The following VIRMA variants were observed in gnomAD, a reference collection of about 807,000 sequenced individuals.
VIRMA encodes the protein vir like m6A methyltransferase associated.
VIRMA carries 65 observed loss-of-function variants against 182.4 expected under a neutral mutation model. The ratio of observed to expected loss-of-function variants is 0.36; its 90% confidence interval spans 0.29 to 0.44. The LOEUF (loss-of-function observed/expected upper bound fraction) is 0.44, where lower values mean the gene tolerates loss of function less well. VIRMA is among the 20% of genes least tolerant of loss of function. VIRMA has a pLI of 1.00. For missense variants in VIRMA, 1,752 were observed against 2,158.1 expected, an observed-to-expected ratio of 0.81 and a Z score of 3.73; for synonymous variants, 709 against 743.1, an observed-to-expected ratio of 0.95 and a Z score of 0.75.
rs1813644934 is a variant in VIRMA, at chr8:94,492,720, T to C, written c.4740A>G (p.Pro1580=). 6.2e-7 allele frequency: 1 copy of C among 1,613,998 alleles called. No individual in the cohort carries two copies. Among genetic ancestry groups the C allele is most frequent in the Admixed American group, 1.7e-5 (1 of 60,020 alleles). ...ATCCTTTAGTAGTCTTGGTTCTTCC[T>C]GGAGATGATGGTTCTGACAAAAATG... ...ERSFLSEPSS[P]GRTKTTKGFK... The change falls in exon 21 of 24, where the codon CCA becomes CCG. Residue 1580 remains proline, a synonymous_variant. Coordinates refer to ENST00000297591, the MANE Select transcript of VIRMA (RefSeq NM_015496.5).
intron 15 of VIRMA, among the ~76,000 whole-genome samples, chr8:94,507,150 T>C (rs1396567767): frequency 1.3e-5 from 2 of 151,452 alleles, no homozygotes; most frequent in Admixed American, 1.3e-4. Context: ...TTTTTTTTTT[T>C]TTGAGACGGA....
At chr8:94,531,291 G>C (rs1815164593) in intron 5 of VIRMA, among the ~76,000 whole-genome samples, 1 of 152,132 alleles carries the variant, frequency 6.6e-6, no homozygotes, top group Non-Finnish European at 1.5e-5. Context: ...CCAACGTCAG[G>C]ACTTGAGTAT....
At chr8:94,543,509 T>C (rs1172815276) in intron 2 of VIRMA, among the ~76,000 whole-genome samples, 1 of 151,264 alleles carries the variant, frequency 6.6e-6, no homozygotes, top group East Asian at 1.9e-4. Context: ...AAAAATCAGG[T>C]TAAAAATACT....
chr8:94,528,518 G>A (rs1277197535), intron 7 of VIRMA, among the ~76,000 whole-genome samples: 3 of 152,168 alleles, frequency 2.0e-5, no homozygotes, highest in African/African-American at 7.2e-5. Context: ...CAAATTAAGA[G>A]CCAATTAGCT....
At chr8:94,496,699 T>C (rs1213569945) in intron 17 of VIRMA, 3 of 407,690 alleles carry the variant, frequency 7.4e-6, no homozygotes, top group Non-Finnish European at 1.3e-5. Context: ...AACATATATT[T>C]TACTGGCACC....
Position 94,509,596 on chromosome 8 carries a change from CA to C in VIRMA, c.3879+91del, listed in dbSNP as rs1371653262. The C allele has an allele frequency of 2.2e-6, 3 of 1,361,994 alleles. No homozygotes were observed. In the African/African-American group the frequency reaches 4.4e-5, roughly 20 times the overall value. The allele number at this position is 1,361,994 out of a possible 1,614,324, so 84.4% of individuals were successfully genotyped here. A position where few individuals can be genotyped will look rare whatever the true frequency, so the allele number is the denominator to read the frequency against. ...AACATAGATGACAGCTGTTCATTCA[CA>C]GCCAAAATTTACATCAAGATGCTTA... is the stretch of plus-strand genomic sequence containing the variant. On this transcript the variant is annotated intron_variant, in intron 15 of 23. Coordinates refer to ENST00000297591, the MANE Select transcript of VIRMA (RefSeq NM_015496.5).
intron 1 of VIRMA, among the ~76,000 whole-genome samples, chr8:94,544,437 C>T (rs879712813): frequency 1.3e-4 from 20 of 151,854 alleles, no homozygotes; most frequent in Non-Finnish European, 2.6e-4. Flanking sequence ...CTTTGGGAGG[C>T]CCAGGCAGGT....
In VIRMA at chr8:94,519,030, T is replaced by C; in HGVS notation, c.2468A>G (p.Gln823Arg). ...GTACTCCATTAGAGTAATAAGACTT[T>C]GGAGATTTTTCTCCAGACTAAAAAC... ...GHVFSLEKNL[Q>R]SLITLMEYYS... The change falls in exon 9 of 24, where the codon CAA (glutamine) becomes CGA (arginine). Residue 823 changes from glutamine to arginine, a missense_variant. Physicochemically the swap from Gln to Arg is conservative, Grantham distance 43. Around this residue, in one of 11 missense-constraint regions of VIRMA, gnomAD observed 777 missense variants for 920.6 expected, o/e 0.84. Coordinates refer to ENST00000297591, the MANE Select transcript of VIRMA (RefSeq NM_015496.5). 2.5e-6 allele frequency: 4 copies of C among 1,613,766 alleles called. No homozygotes were observed. The highest frequency in any genetic ancestry group is 3.4e-6 in the Non-Finnish European group (4 of 1,179,902).
chr8:94,518,094 A>T, intron 9 of VIRMA, 152 bp from the exon 10 acceptor site: 1 of 584,352 alleles, frequency 1.7e-6, no homozygotes, highest in South Asian at 2.4e-5. Flanking sequence ...CAGATTTTAC[A>T]GTTCATATCC....
chr8:94,533,089 T>C (rs1815225445), intron 5 of VIRMA, among the ~76,000 whole-genome samples: 1 of 151,612 alleles, frequency 6.6e-6, no homozygotes, highest in Non-Finnish European at 1.5e-5. Context: ...CCACTACATA[T>C]GTCAGACACT....
At chr8:94,504,113 G>A (rs1407503212) in intron 16 of VIRMA, among the ~76,000 whole-genome samples, 1 of 151,958 alleles carries the variant, frequency 6.6e-6, no homozygotes, top group African/African-American at 2.4e-5. Flanking sequence ...GGCAGAGGTT[G>A]CTGTGAGCTG....
Position 94,547,665 on chromosome 8 carries a change from TA to T in VIRMA, c.64-3724del, listed in dbSNP as rs377382849. Among the ~76,000 whole-genome samples the T allele has an allele frequency of 2.4e-3, 359 of 150,866 alleles. 28 individuals carry two copies. The highest frequency in any genetic ancestry group is 8.8e-3 in the African/African-American group (354 of 40,314). On this transcript the variant is annotated intron_variant, in intron 1 of 23. Coordinates refer to ENST00000297591, the MANE Select transcript of VIRMA (RefSeq NM_015496.5). ...GCACTTCCACACTGGAAAGTACTAT[TA>T]AAAAAATAACTAAAAATGTGTAAAA...
chr8:94,531,967 AAAT>A (rs1207788161), intron 5 of VIRMA, among the ~76,000 whole-genome samples: 3 of 152,242 alleles, frequency 2.0e-5, no homozygotes, highest in Admixed American at 6.5e-5. Flanking sequence ...GTAACGTGTA[AAAT>A]AATATAACTA....
rs776885416 is a variant in VIRMA, at chr8:94,527,209, A to G, written c.1035T>C (p.Leu345=). ...GACAACTGAAGTATAAGAGTGGTACAAGCTCCCTGTCATATGGATCATATG... is the reference window on the plus strand; with the variant it reads ...GACAACTGAAGTATAAGAGTGGTACGAGCTCCCTGTCATATGGATCATATG... ...PMTYDPYDRE[L]VPLLYFSCPY... Residue 345 remains leucine (L), a synonymous_variant, in exon 8 of 24, where the codon CTT becomes CTC. Coordinates refer to ENST00000297591, the MANE Select transcript of VIRMA (RefSeq NM_015496.5). 1.2e-6 allele frequency: 2 copies of G among 1,614,120 alleles called. No individual in the cohort carries two copies. The highest frequency in any genetic ancestry group is 1.1e-5 in the South Asian group (1 of 91,082).
At chr8:94,534,777 A>ATTT in intron 5 of VIRMA, 62 bp downstream of exon 5, 4 of 1,366,274 alleles carry the variant, frequency 2.9e-6, no homozygotes, top group East Asian at 2.4e-5. Flanking sequence ...TCTTCGAATT[A>ATTT]TTTTTTTTTT....
chr8:94,526,552 T>C lies in VIRMA; in HGVS notation c.1692A>G (p.Ser564=), dbSNP rs535070974. ...LQKCHFYEVL[S]EIKRLGDHLA... The stretch of plus-strand genomic sequence containing the variant: ...AATGGTCACCAAGTCTTTTAATCTC[T>C]GACAAGACTTCATAGAAATGGCATT... Residue 564 remains serine, a synonymous_variant, in exon 8 of 24, where the codon TCA becomes TCG. Coordinates refer to ENST00000297591, the MANE Select transcript of VIRMA (RefSeq NM_015496.5). 2.2e-5 allele frequency: 36 copies of C among 1,613,098 alleles called. 1 individual carries two copies. In the Admixed American group the frequency reaches 3.7e-4, roughly 16 times the overall value.
chr8:94,511,894 ATTAT>A, intron 12 of VIRMA, 98 bp downstream of exon 12: 1 of 683,214 alleles, frequency 1.5e-6, no homozygotes, highest in Non-Finnish European at 2.1e-6. Flanking sequence ...GATATTTTTC[ATTAT>A]TAAATAAATG....
rs774034765 is a variant in VIRMA at position 94,514,860 on chromosome 8, T to C, written c.2751+9A>G. 8.0e-6 allele frequency: 12 copies of C among 1,493,924 alleles called. No homozygotes were observed. 92.5% of individuals were successfully genotyped at this position (1,493,924 alleles called of 1,614,324 possible). Reference sequence around the variant, plus strand: ...AAAAAGTCAAAGCACTTTTAAGTTTTACACTTACCTGCTTAACATACTCAA... The same window carrying C: ...AAAAAGTCAAAGCACTTTTAAGTTTCACACTTACCTGCTTAACATACTCAA... On this transcript the variant is annotated intron_variant, in intron 11 of 23. Transcript: ENST00000297591.
rs1813498139 is a variant in VIRMA at position 94,487,886 on chromosome 8, G to A, written c.*820C>T. ...CCTTATTTTAGGCTTTAAATAATTT[G>A]TATAATAAAATAGTGTCAGTAGGTC... On this transcript the variant is annotated 3_prime_UTR_variant, in exon 24 of 24. Transcript: ENST00000297591. 1 of 152,150 alleles carries A rather than the reference G, an allele frequency of 6.6e-6. No individual in the cohort carries two copies. Among genetic ancestry groups the A allele is most frequent in the Non-Finnish European group, 1.5e-5 (1 of 68,018 alleles). The allele number at this position is 152,150 out of a possible 1,614,324, so 9.4% of individuals were successfully genotyped here. A position where few individuals can be genotyped will look rare whatever the true frequency, so the allele number is the denominator to read the frequency against.
Sources: gnomAD v4.1 joint callset for allele counts (sites outside exome capture counted in the v4.1 genomes callset) on GRCh38, gnomAD v4.1.1 for gene constraint, gnomAD v4.1.1 regional missense constraint, MANE v1.5 for transcripts, NCBI Gene and HGNC (gene_info 2026-07-23, HGNC 2026-07-21) for gene names.